Variants in MAPK10 observed in about 807,000 individuals in gnomAD.
MAPK10 encodes JNK3 alpha protein kinase.
In MAPK10, 25 loss-of-function variants were observed where a neutral mutation model predicts 59.3. The observed-to-expected ratio is 0.42, with a 90% CI of 0.31 to 0.59. MAPK10 has a LOEUF of 0.59. MAPK10 is among the 20% of genes least tolerant of loss of function. The pLI, the probability that MAPK10 is intolerant of heterozygous loss-of-function variation, is 0.15. For synonymous variants in MAPK10, 190 were observed against 200.5 expected (o/e 0.95, Z 0.44); for missense variants, 351 against 568.9 (o/e 0.62, Z 3.90).
intron 1 of MAPK10, among the ~76,000 whole-genome samples, chr4:86,514,198 C>A (rs1756486420): frequency 1.3e-5 from 2 of 152,136 alleles, no homozygotes; most frequent in South Asian, 2.1e-4. Context: ...GCCCTCATAA[C>A]AAGAACTATC....
At chr4:86,222,714 G>A (rs2089904726) in intron 2 of MAPK10, among the ~76,000 whole-genome samples, 1 of 152,186 alleles carries the variant, frequency 6.6e-6, no homozygotes, top group Non-Finnish European at 1.5e-5. Context: ...TACTGAAGTG[G>A]AAGTCCATTT....
At chr4:86,545,899 A>G (rs1759112417) in intron 1 of MAPK10, among the ~76,000 whole-genome samples, 1 of 152,250 alleles carries the variant, frequency 6.6e-6, no homozygotes, top group African/African-American at 2.4e-5. Context: ...CTGCAACAAC[A>G]TTGGCTACAG....
intron 1 of MAPK10, among the ~76,000 whole-genome samples, chr4:86,526,509 T>G (rs1423327451): frequency 6.6e-6 from 1 of 152,212 alleles, no homozygotes; most frequent in African/African-American, 2.4e-5. Flanking sequence ...ATCTTGTTCA[T>G]CCTTTCAAAG....
At chr4:86,290,311 T>C (rs1215029013) in intron 2 of MAPK10, among the ~76,000 whole-genome samples, 2 of 152,144 alleles carry the variant, frequency 1.3e-5, no homozygotes, top group African/African-American at 2.4e-5. Context: ...GACAAGTAAT[T>C]TGAGAACTGA....
intron 3 of MAPK10, among the ~76,000 whole-genome samples, chr4:86,186,459 G>C (rs1349072552): frequency 1.3e-5 from 2 of 152,058 alleles, no homozygotes; most frequent in Non-Finnish European, 2.9e-5. Flanking sequence ...ACATACAGTA[G>C]TTACAGAAAG....
At chr4:86,240,826 T>G (rs560356541) in intron 2 of MAPK10, among the ~76,000 whole-genome samples, 1 of 152,194 alleles carries the variant, frequency 6.6e-6, no homozygotes, top group Admixed American at 6.5e-5. Flanking sequence ...TTGGGGCATT[T>G]AGCCCATTTA....
chr4:86,078,446 C>G lies in MAPK10; in HGVS notation c.803-10491G>C, dbSNP rs139128877. ...CTAGTAGAGGGAGAAGAATTCTGCC[C>G]CTCATCATCTGTGGGAGAACTGAAA... On this transcript the variant is annotated intron_variant, in intron 9 of 13. Transcript: ENST00000641462. 1.4e-3 allele frequency among the ~76,000 whole-genome samples: 208 copies of G among 152,120 alleles called. 1 individual carries two copies. The highest frequency in any genetic ancestry group is 8.3e-3 in the East Asian group (43 of 5,168).
At chr4:86,142,006 G>A (rs1407366971) in intron 4 of MAPK10, among the ~76,000 whole-genome samples, 2 of 152,226 alleles carry the variant, frequency 1.3e-5, no homozygotes, top group South Asian at 2.1e-4. Context: ...GCTTTAAAAC[G>A]ACCCACTTTC....
intron 1 of MAPK10, among the ~76,000 whole-genome samples, chr4:86,410,084 T>C (rs1330827361): frequency 1.3e-5 from 2 of 152,324 alleles, no homozygotes; most frequent in South Asian, 2.1e-4. Context: ...CATCAATACC[T>C]AGTTTATTGA....
intron 1 of MAPK10, among the ~76,000 whole-genome samples, chr4:86,396,700 C>T (rs72868837): frequency 4.7e-4 from 72 of 152,196 alleles, no homozygotes; most frequent in African/African-American, 1.7e-3. Context: ...GAAGGCGAAA[C>T]GGGAACAGGT....
Position 86,577,658 on chromosome 4 carries a change from T to C in MAPK10, c.-263+16252A>G, listed in dbSNP as rs1343353054. ...GCAAGCAAACAAAAAAGGACAATTA[T>C]TTACTCCAGAAGGAAAATAAAATAG... On this transcript the variant is annotated intron_variant, in intron 1 of 4. Transcript: ENST00000502302. Among the ~76,000 whole-genome samples the C allele has an allele frequency of 3.9e-5, 6 of 152,274 alleles. No individual in the cohort carries two copies. In the East Asian group the frequency reaches 1.2e-3, roughly 29 times the overall value.
At chr4:86,492,087 A>G (rs1754497124) in intron 1 of MAPK10, among the ~76,000 whole-genome samples, 1 of 152,254 alleles carries the variant, frequency 6.6e-6, no homozygotes, top group Admixed American at 6.5e-5. Flanking sequence ...AGTTTGATTT[A>G]GACATTCAGA....
intron 13 of MAPK10, among the ~76,000 whole-genome samples, chr4:86,018,688 T>C (rs1428990504): frequency 1.3e-5 from 2 of 152,246 alleles, no homozygotes; most frequent in Non-Finnish European, 2.9e-5. Context: ...TCTTTATACC[T>C]AAGCAATCTG....
intron 1 of MAPK10, among the ~76,000 whole-genome samples, chr4:86,446,219 T>A (rs1482126520): frequency 6.6e-6 from 1 of 152,116 alleles, no homozygotes; most frequent in African/African-American, 2.4e-5. Context: ...GAAAGTGGAT[T>A]TGGATTAGCT....
intron 2 of MAPK10, among the ~76,000 whole-genome samples, chr4:86,334,669 G>A (rs1719975118): frequency 6.6e-6 from 1 of 151,506 alleles, no homozygotes; most frequent in Non-Finnish European, 1.5e-5. Context: ...CACTTCATCT[G>A]ACTATTCCTA....
At chr4:86,213,553 G>T (rs948937138) in intron 2 of MAPK10, among the ~76,000 whole-genome samples, 3 of 151,958 alleles carry the variant, frequency 2.0e-5, no homozygotes, top group Non-Finnish European at 1.5e-5. Flanking sequence ...TCTAAAAAAA[G>T]GAATAGGACA....
chr4:86,354,732 T>A (rs1733532588), intron 1 of MAPK10, 88 bp from the exon 2 acceptor site: 1 of 444,976 alleles, frequency 2.2e-6, no homozygotes, highest in Admixed American at 4.4e-5. Context: ...CAAAGACAGT[T>A]GGTTACTGGG....
At chr4:86,444,197 A>T (rs1006420175) in intron 1 of MAPK10, among the ~76,000 whole-genome samples, 1 of 152,172 alleles carries the variant, frequency 6.6e-6, no homozygotes, top group Non-Finnish European at 1.5e-5. Context: ...CCCCAAATTA[A>T]TGTCAGACAC....
At chr4:86,068,545 A>C (rs2047160387) in intron 9 of MAPK10, among the ~76,000 whole-genome samples, 1 of 152,118 alleles carries the variant, frequency 6.6e-6, no homozygotes, top group Non-Finnish European at 1.5e-5. Flanking sequence ...AATCATATTT[A>C]TTAAACAAAG....
Sources: gnomAD v4.1 joint callset for allele counts (sites outside exome capture counted in the v4.1 genomes callset) on GRCh38, gnomAD v4.1.1 for gene constraint, MANE v1.5 for transcripts, NCBI Gene and HGNC (gene_info 2026-07-23, HGNC 2026-07-21) for gene names.